CXorf38: variants seen among roughly 807,000 people sequenced by gnomAD.
CXorf38 encodes chromosome X open reading frame 38.
Under a neutral mutation model 27.5 loss-of-function variants are expected in CXorf38, and 13 were observed. The ratio of observed to expected loss-of-function variants is 0.47; its 90% confidence interval spans 0.31 to 0.75. The LOEUF (loss-of-function observed/expected upper bound fraction) is 0.75, where lower values mean the gene tolerates loss of function less well. CXorf38 is among the 30% of genes least tolerant of loss of function. CXorf38 has a pLI of 0.05. For synonymous variants in CXorf38, 100 were observed against 99.8 expected, an observed-to-expected ratio of 1.00 and a Z score of -0.01; for missense variants, 240 against 253.2, an observed-to-expected ratio of 0.95 and a Z score of 0.35.
At chrX:40,632,649 G>A (rs1217877906) in intron 5 of CXorf38, among the ~76,000 whole-genome samples, 3 of 111,340 alleles carry the variant, frequency 2.7e-5, no homozygotes, top group Non-Finnish European at 5.7e-5. Flanking sequence ...GGTAAAGGGG[G>A]AAGAGAAAGT....
rs34163857 is a variant in CXorf38, at chrX:40,632,594, T to TA, written c.802-1822dup. Among the ~76,000 whole-genome samples, 7 of 107,065 alleles carry TA rather than the reference T, an allele frequency of 6.5e-5. No individual in the cohort carries two copies. The East Asian group carries it at 8.7e-4, about 13-fold the overall frequency. The allele number at this position is 107,065 out of a possible 115,157, so 93.0% of individuals were successfully genotyped here. A position where few individuals can be genotyped will look rare whatever the true frequency, so the allele number is the denominator to read the frequency against. On this transcript the variant is annotated intron_variant, in intron 5 of 6. Coordinates refer to ENST00000327877, the MANE Select transcript of CXorf38 (RefSeq NM_144970.3). ...GGGAGGACGAATCAAAAGGAGGCTT[T>TA]AAAAAAAAAAGTATTAAGAACAGGG...
chrX:40,634,937 G>A (rs1010528685), intron 5 of CXorf38, among the ~76,000 whole-genome samples: 4 of 111,947 alleles, frequency 3.6e-5, no homozygotes, highest in Non-Finnish European at 7.5e-5. Flanking sequence ...GGTTCAAAAC[G>A]TACAGCTGCC....
chrX:40,629,593 G>A lies in CXorf38; in HGVS notation c.*571C>T, dbSNP rs1244637860. On this transcript the variant is annotated 3_prime_UTR_variant, in exon 7 of 7. Transcript: ENST00000327877. ...CTTTTAAATAGCAGAAAATCCCTGG[G>A]TGGTAGCAAGTTTTGTTGTTGTTTT... The A allele has an allele frequency of 9.0e-6, 1 of 111,504 alleles. No individual in the cohort carries two copies. The highest frequency in any genetic ancestry group is 9.5e-5 in the Admixed American group (1 of 10,510). 9.2% of individuals were successfully genotyped at this position (111,504 alleles called of 1,213,427 possible). A position where few individuals can be genotyped will look rare whatever the true frequency, so the allele number is the denominator to read the frequency against.
chrX:40,630,925 A>G (rs1927749117), intron 5 of CXorf38, 152 bp from the exon 6 acceptor site: 1 of 407,359 alleles, frequency 2.5e-6, no homozygotes, highest in East Asian at 4.3e-5. Context: ...CAGACAGGTT[A>G]AAGTTTGAAA....
Position 40,647,557 on chromosome X carries a change from C to T in CXorf38, c.-37G>A, listed in dbSNP as rs768610073. ...GGAACCAGGAGGTTGCGGGGCGTGG[C>T]GGACGGCAGTGCGCAGGCGCGGAGC... On this transcript the variant is annotated 5_prime_UTR_variant, in exon 1 of 7. Coordinates refer to ENST00000327877, the MANE Select transcript of CXorf38 (RefSeq NM_144970.3). 2 of 1,167,621 alleles carry T rather than the reference C, an allele frequency of 1.7e-6. No homozygotes were observed. Among genetic ancestry groups the T allele is most frequent in the South Asian group, 1.9e-5 (1 of 53,486 alleles).
At position 40,639,014 on chromosome X, in the gene CXorf38, T is replaced by G. The variant is rs756581758; in HGVS notation, c.466A>C (p.Thr156Pro). Residue 156 changes from threonine to proline, a missense_variant, in exon 3 of 7, where the codon ACA becomes CCA. Thr to Pro is a conservative substitution (Grantham distance 38). Coordinates refer to ENST00000327877, the MANE Select transcript of CXorf38 (RefSeq NM_144970.3). ...TTGAATCTGACAGCTCTTACCTCTG[T>G]GACTTTCTTTCGATCAACCACGAAG... ...DHFVVDRKKV[T>P]EVIKCRNEIM... The G allele has an allele frequency of 8.3e-7, 1 of 1,209,462 alleles. No homozygotes were observed. Among genetic ancestry groups the G allele is most frequent in the Admixed American group, 2.2e-5 (1 of 45,674 alleles).
At position 40,627,546 on chromosome X, in the gene CXorf38, A is replaced by T. The variant is rs901230170; in HGVS notation, c.*2618T>A. On this transcript the variant is annotated 3_prime_UTR_variant, in exon 7 of 7. Transcript: ENST00000327877. Reference sequence around the variant, plus strand: ...GTTAATATGTCTTAGAGATCACTGCATGACCACAGTGCAGCATCGCTTCAT... The same window carrying T: ...GTTAATATGTCTTAGAGATCACTGCTTGACCACAGTGCAGCATCGCTTCAT... 2.7e-5 allele frequency: 3 copies of T among 112,215 alleles called. No individual in the cohort carries two copies. The Admixed American group carries it at 2.8e-4, about 11-fold the overall frequency. 9.2% of individuals were successfully genotyped at this position (112,215 alleles called of 1,213,427 possible). A position where few individuals can be genotyped will look rare whatever the true frequency, so the allele number is the denominator to read the frequency against.
chrX:40,630,524 G>A (rs1379280585), intron 6 of CXorf38, 90 bp downstream of exon 6: 45 of 871,606 alleles, frequency 5.2e-5, no homozygotes, highest in Non-Finnish European at 6.9e-5. Flanking sequence ...AGATTGTTGT[G>A]TGTTCATGAT....
rs754208911 is a variant in CXorf38 at position 40,636,516 on chromosome X, T to C, written c.801+17A>G. On this transcript the variant is annotated intron_variant, in intron 5 of 6. Transcript: ENST00000327877. ...GTGTTGTTAACTCACACAGAGCCTA[T>C]AACACTTTTCTTTTACCTCTTCAGG... is the stretch of plus-strand genomic sequence containing the variant. 3 of 1,153,302 alleles carry C rather than the reference T, an allele frequency of 2.6e-6. No individual in the cohort carries two copies. The highest frequency in any genetic ancestry group is 2.2e-5 in the Admixed American group (1 of 44,727).
chrX:40,636,844 T>C (rs1403566076), intron 4 of CXorf38, 132 bp from the exon 5 acceptor site: 35 of 783,373 alleles, frequency 4.5e-5, no homozygotes, highest in Non-Finnish European at 4.8e-5. Context: ...ACAGAAAAGC[T>C]TCTCAGCCCA....
At chrX:40,636,137 A>G (rs2146574096) in intron 5 of CXorf38, among the ~76,000 whole-genome samples, 1 of 112,667 alleles carries the variant, frequency 8.9e-6, no homozygotes, top group South Asian at 3.7e-4. Context: ...GCCCTCTGCC[A>G]AGAAGAATCT....
intron 2 of CXorf38, among the ~76,000 whole-genome samples, chrX:40,646,246 G>GT (rs1928568787): frequency 1.7e-5 from 1 of 59,891 alleles, no homozygotes; most frequent in Non-Finnish European, 3.0e-5. Flanking sequence ...GCGCCCGGCC[G>GT]TCCTTTCATT....
intron 2 of CXorf38, among the ~76,000 whole-genome samples, chrX:40,645,624 T>C (rs1210901734): frequency 9.1e-6 from 1 of 109,643 alleles, no homozygotes; most frequent in Admixed American, 9.7e-5. Context: ...CCTGATACAG[T>C]TCAATTTTTT....
At position 40,628,687 on chromosome X, in the gene CXorf38, G is replaced by A. The variant is rs780763433; in HGVS notation, c.*1477C>T. On this transcript the variant is annotated 3_prime_UTR_variant, in exon 7 of 7. Transcript: ENST00000327877. ...TGTTGCAATTTCATTTTTAAATTTC[G>A]TAACAAAGGACCAGGCTTAGCTAAT... 8.9e-6 allele frequency: 1 copy of A among 112,340 alleles called. No individual in the cohort carries two copies. The highest frequency in any genetic ancestry group is 3.6e-4 in the South Asian group (1 of 2,761). 9.3% of individuals were successfully genotyped at this position (112,340 alleles called of 1,213,427 possible).
rs1270224428 is a variant in CXorf38 at position 40,647,123 on chromosome X, C to G, written c.235G>C (p.Val79Leu). The G allele has an allele frequency of 8.2e-7, 1 of 1,212,183 alleles. No individual in the cohort carries two copies. The highest frequency in any genetic ancestry group is 2.2e-5 in the Admixed American group (1 of 46,143). Reference protein sequence around the residue: ...RARQFQPQCQVCAEWKREILR... With the variant: ...RARQFQPQCQLCAEWKREILR... Reference sequence around the variant, plus strand: ...ATCTCCCTTTTCCATTCAGCGCACACCTGACACTGAGGCTGAAACTACAGG... The same window carrying G: ...ATCTCCCTTTTCCATTCAGCGCACAGCTGACACTGAGGCTGAAACTACAGG... The change falls in exon 2 of 7, where the codon GTG becomes CTG. Residue 79 changes from valine to leucine, a missense_variant. Val to Leu is a conservative substitution (Grantham distance 32). Transcript: ENST00000327877.
chrX:40,630,900 A>C, intron 5 of CXorf38, 127 bp from the exon 6 acceptor site: 1 of 573,685 alleles, frequency 1.7e-6, no homozygotes, highest in Admixed American at 3.8e-5. Context: ...AATCTTGGCT[A>C]CAGGCATCTG....
chrX:40,635,784 C>T (rs994343152), intron 5 of CXorf38, among the ~76,000 whole-genome samples: 1 of 111,875 alleles, frequency 8.9e-6, no homozygotes, highest in Non-Finnish European at 1.9e-5. Flanking sequence ...CAATATCCAT[C>T]GGTTCTGCTC....
rs1342823688 is a variant in CXorf38, at chrX:40,636,586, T to G, written c.748A>C (p.Lys250Gln). 1 of 1,201,171 alleles carries G rather than the reference T, an allele frequency of 8.3e-7. No homozygotes were observed. The highest frequency in any genetic ancestry group is 1.8e-5 in the South Asian group (1 of 56,485). ...NEIEMQLLKEKLQEIYLQAEE... is the reference protein window; with the variant it reads ...NEIEMQLLKEQLQEIYLQAEE... ...GCTTGAAGATATATCTCTTGAAGTT[T>G]CTCCTTTAGTAACTGCATTTCTATT... Residue 250 changes from lysine (K) to glutamine (Q), a missense_variant, in exon 5 of 7, where the codon AAA becomes CAA. By Grantham distance (53) the Lys-to-Gln change is moderately conservative (BLOSUM62 1). Coordinates refer to ENST00000327877, the MANE Select transcript of CXorf38 (RefSeq NM_144970.3).
At chrX:40,645,717 A>G (rs1427255077) in intron 2 of CXorf38, among the ~76,000 whole-genome samples, 1 of 110,841 alleles carries the variant, frequency 9.0e-6, no homozygotes, top group Non-Finnish European at 1.9e-5. Flanking sequence ...CCCAGGCTCC[A>G]GTGATCCTCT....
Sources: allele counts gnomAD v4.1 joint callset (sites outside exome capture counted in the v4.1 genomes callset), GRCh38; gene constraint gnomAD v4.1.1; transcripts MANE v1.5; gene names NCBI Gene and HGNC (gene_info 2026-07-23, HGNC 2026-07-21).